AK8: variants seen among roughly 807,000 people sequenced by gnomAD.
AK8 encodes the protein adenylate kinase 8.
Under a neutral mutation model 54.6 loss-of-function variants are expected in AK8, and 44 were observed. The ratio of observed to expected loss-of-function variants is 0.81; its 90% CI spans 0.63 to 1.04. AK8 has a LOEUF of 1.04. AK8 is among the 50% of genes least tolerant of loss of function. AK8 has a pLI of 0.00. For synonymous variants in AK8, 239 were observed against 245.6 expected (o/e 0.97, Z 0.25); for missense variants, 555 against 613.6 (o/e 0.90, Z 1.01).
intron 1 of AK8, among the ~76,000 whole-genome samples, chr9:132,877,348 G>A (rs1332909975): frequency 6.6e-6 from 1 of 152,236 alleles, no homozygotes; most frequent in Non-Finnish European, 1.5e-5. Flanking sequence ...GTGCAGGGCA[G>A]AACCTCAAAT....
Position 132,823,248 on chromosome 9 carries a change from A to C in AK8, c.846T>G (p.Ser282Arg), listed in dbSNP as rs780380578. The C allele has an allele frequency of 1.2e-6, 2 of 1,605,814 alleles. No homozygotes were observed. The highest frequency in any genetic ancestry group is 1.1e-5 in the South Asian group (1 of 90,054). ...LLLGPVGSGK[S>R]LQAALLAQKY... ...TCTGGGCCAGGAGGGCGGCCTGCAGACTTTTCCCACTGCCCACAGGCCCGA... is the reference window on the plus strand; with the variant it reads ...TCTGGGCCAGGAGGGCGGCCTGCAGCCTTTTCCCACTGCCCACAGGCCCGA... The change falls in exon 9 of 13, where the codon AGT becomes AGG. Residue 282 changes from serine to arginine, a missense_variant. Coordinates refer to ENST00000298545, the MANE Select transcript of AK8 (RefSeq NM_152572.3).
In AK8 at chr9:132,759,707, CT is replaced by C. The variant is rs1415458980; in HGVS notation, c.1122-32174del. On this transcript the variant is annotated intron_variant, in intron 11 of 12. Coordinates refer to ENST00000298545, the MANE Select transcript of AK8 (RefSeq NM_152572.3). ...TTATTGGAAAGTCCATCTCTTCCCC[CT>C]GATCCGTGGTGCCACCCCTGTCATT... 3.3e-5 allele frequency among the ~76,000 whole-genome samples: 5 copies of C among 152,326 alleles called. No homozygotes were observed. The East Asian group carries it at 7.7e-4, about 23-fold the overall frequency.
intron 11 of AK8, among the ~76,000 whole-genome samples, chr9:132,736,185 TC>T (rs1230754632): frequency 6.6e-5 from 7 of 106,154 alleles, no homozygotes; most frequent in Non-Finnish European, 9.6e-5. Flanking sequence ...TACTATTCAG[TC>T]TTTTTTTTTT....
chr9:132,739,523 T>TA (rs1837272945), intron 11 of AK8, among the ~76,000 whole-genome samples: 2 of 141,470 alleles, frequency 1.4e-5, no homozygotes, highest in South Asian at 4.6e-4. Context: ...TCCATATATT[T>TA]AAAAAACTTT....
intron 11 of AK8, among the ~76,000 whole-genome samples, chr9:132,733,015 G>A (rs187249074): frequency 4.9e-4 from 74 of 152,220 alleles, no homozygotes; most frequent in Non-Finnish European, 8.2e-4. Flanking sequence ...GCTGTTCGCT[G>A]AGCTTTGCTT....
intron 11 of AK8, among the ~76,000 whole-genome samples, chr9:132,743,760 T>C (rs1317888534): frequency 1.3e-5 from 2 of 152,202 alleles, no homozygotes; most frequent in Non-Finnish European, 2.9e-5. Flanking sequence ...GCACGTGCTA[T>C]CTTATTTAAT....
intron 11 of AK8, among the ~76,000 whole-genome samples, chr9:132,743,611 G>A (rs1024992774): frequency 2.0e-5 from 3 of 152,204 alleles, no homozygotes; most frequent in Non-Finnish European, 4.4e-5. Flanking sequence ...TGCAGCTGGA[G>A]CTTTTCCATG....
intron 8 of AK8, among the ~76,000 whole-genome samples, chr9:132,824,204 C>T (rs1326263399): frequency 2.6e-5 from 4 of 152,188 alleles, no homozygotes; most frequent in Non-Finnish European, 5.9e-5. Flanking sequence ...GGCAGCATTT[C>T]GGGCACCTGA....
rs1465040559 is a variant in AK8 at position 132,781,839 on chromosome 9, AG to A, written c.1121+10794del. 6.6e-6 allele frequency among the ~76,000 whole-genome samples: 1 copy of A among 152,198 alleles called. No homozygotes were observed. The highest frequency in any genetic ancestry group is 1.5e-5 in the Non-Finnish European group (1 of 68,044). ...ATTTTAGAATATTTCTCTCTTTCTTAGCCTGTATCTGAACTTGAAGGTTTAC... is the reference window on the plus strand; with the variant it reads ...ATTTTAGAATATTTCTCTCTTTCTTACCTGTATCTGAACTTGAAGGTTTAC... On this transcript the variant is annotated intron_variant, in intron 11 of 12. Transcript: ENST00000298545. The surrounding 1 kb of genome is among the most constrained non-coding windows in gnomAD (Gnocchi z 4.6).
At chr9:132,730,441 T>TTG (rs1554780926) in intron 11 of AK8, among the ~76,000 whole-genome samples, 1 of 151,054 alleles carries the variant, frequency 6.6e-6, no homozygotes, top group Admixed American at 6.6e-5. Flanking sequence ...TGCCTGTTTT[T>TTG]TTTTTTTTTT....
chr9:132,867,006 C>T (rs1268202074), intron 2 of AK8, 53 bp from the exon 3 acceptor site: 1 of 1,548,666 alleles, frequency 6.5e-7, no homozygotes, highest in African/African-American at 1.4e-5. Context: ...AGCAGCCTCC[C>T]ACACCTGCGG....
chr9:132,738,790 G>GC (rs1026539152), intron 11 of AK8, among the ~76,000 whole-genome samples: 6 of 118,696 alleles, frequency 5.1e-5, no homozygotes, highest in East Asian at 4.8e-4. Context: ...GTCTCACTCT[G>GC]CCCCCCCAGG....
At chr9:132,772,495 T>C (rs1839027053) in intron 11 of AK8, among the ~76,000 whole-genome samples, 1 of 152,226 alleles carries the variant, frequency 6.6e-6, no homozygotes, top group South Asian at 2.1e-4. Flanking sequence ...CATGTGAGGA[T>C]GCAGTGAGAG....
intron 4 of AK8, among the ~76,000 whole-genome samples, chr9:132,857,355 A>C (rs1328497169): frequency 6.6e-6 from 1 of 152,146 alleles, no homozygotes; most frequent in African/African-American, 2.4e-5. Flanking sequence ...CACTGGCATA[A>C]GCCCACCTAC....
chr9:132,855,028 G>T, intron 4 of AK8, 103 bp from the exon 5 acceptor site: 1 of 1,225,540 alleles, frequency 8.2e-7, no homozygotes, highest in Non-Finnish European at 1.2e-6. Context: ...CCTCTGGAAA[G>T]CACCGACCAC....
chr9:132,844,297 C>CAAAAAAAAAA (rs35309762), intron 5 of AK8, among the ~76,000 whole-genome samples: 4 of 92,652 alleles, frequency 4.3e-5, no homozygotes, highest in Admixed American at 1.1e-4. Context: ...TGCATTAGAC[C>CAAAAAAAAAA]AAAAAAAAAA....
At chr9:132,816,556 G>A (rs1439792857) in intron 9 of AK8, among the ~76,000 whole-genome samples, 3 of 152,060 alleles carry the variant, frequency 2.0e-5, no homozygotes, top group Non-Finnish European at 4.4e-5. Flanking sequence ...GGCAGAGCTG[G>A]GGTCCAAACC....
chr9:132,872,952 C>T (rs1482301344), intron 2 of AK8, among the ~76,000 whole-genome samples: 1 of 152,218 alleles, frequency 6.6e-6, no homozygotes, highest in East Asian at 1.9e-4. Flanking sequence ...GCTGGGACTA[C>T]AGGCGCCCGC....
At chr9:132,819,417 A>T (rs1042781495) in intron 9 of AK8, among the ~76,000 whole-genome samples, 1 of 152,234 alleles carries the variant, frequency 6.6e-6, no homozygotes, top group Non-Finnish European at 1.5e-5. Context: ...CCAATCCCCC[A>T]TGGATACTGA....
Sources: gnomAD v4.1 joint callset for allele counts (sites outside exome capture counted in the v4.1 genomes callset) on GRCh38, gnomAD v4.1.1 for gene constraint, Gnocchi (gnomAD v3.1) non-coding constraint, MANE v1.5 for transcripts, NCBI Gene and HGNC (gene_info 2026-07-23, HGNC 2026-07-21) for gene names.